Variants in LYPD6 observed in about 807,000 individuals in gnomAD.
The protein encoded by LYPD6 is ly6/PLAUR domain-containing protein 6.
In LYPD6, 15 loss-of-function variants were observed where a neutral mutation model predicts 22.7. That is an observed-to-expected ratio of 0.66 (90% CI 0.44 to 1.02). The LOEUF (loss-of-function observed/expected upper bound fraction) is 1.02. Ranked by LOEUF, LYPD6 falls within the 50% of genes least tolerant of loss-of-function variation. The probability of loss-of-function intolerance (pLI) is 0.00; values close to 1 mark genes in which losing one functional copy is unlikely to be tolerated. For missense variants in LYPD6, 189 were observed against 208.4 expected (o/e 0.91, Z 0.57); for synonymous variants, 72 against 77.5 (o/e 0.93, Z 0.37).
chr2:149,469,866 T>G (rs1681290995), intron 4 of LYPD6, among the ~76,000 whole-genome samples: 1 of 152,178 alleles, frequency 6.6e-6, no homozygotes, highest in Non-Finnish European at 1.5e-5. Context: ...ACTGACTTCC[T>G]GGCACGTGTC....
At chr2:149,331,751 C>A (rs777621403) in intron 1 of LYPD6, among the ~76,000 whole-genome samples, 10 of 152,154 alleles carry the variant, frequency 6.6e-5, no homozygotes, top group Non-Finnish European at 1.3e-4. Flanking sequence ...CTATGGTAAC[C>A]TACCCAAGGT....
At chr2:149,369,469 C>A (rs1235709182) in intron 1 of LYPD6, among the ~76,000 whole-genome samples, 1 of 152,168 alleles carries the variant, frequency 6.6e-6, no homozygotes, top group Non-Finnish European at 1.5e-5. Context: ...AATTGACTGC[C>A]TTTCGACCTC....
chr2:149,470,539 C>T (rs568256019), intron 4 of LYPD6, 144 bp from the exon 5 acceptor site: 1 of 657,922 alleles, frequency 1.5e-6, no homozygotes, highest in African/African-American at 1.8e-5. Context: ...CCCCAGCCTT[C>T]CTGAACGTAG....
At chr2:149,359,125 T>C (rs1266305228) in intron 1 of LYPD6, among the ~76,000 whole-genome samples, 1 of 152,238 alleles carries the variant, frequency 6.6e-6, no homozygotes. Context: ...AAAGGAGTGT[T>C]TGGGAATGGA....
intron 2 of LYPD6, among the ~76,000 whole-genome samples, chr2:149,448,438 T>C (rs921554616): frequency 6.6e-6 from 1 of 152,220 alleles, no homozygotes. Flanking sequence ...AATTTTATCA[T>C]GTGTAGGTTT....
chr2:149,430,710 T>C (rs972195459), intron 1 of LYPD6, among the ~76,000 whole-genome samples: 1 of 152,240 alleles, frequency 6.6e-6, no homozygotes, highest in Non-Finnish European at 1.5e-5. Context: ...TATAATTGCG[T>C]ATATACTGAC....
At chr2:149,389,865 G>T (rs1385818355) in intron 1 of LYPD6, among the ~76,000 whole-genome samples, 2 of 152,102 alleles carry the variant, frequency 1.3e-5, no homozygotes, top group East Asian at 3.9e-4. Context: ...TGCAGTGCAG[G>T]GATCCACTTT....
At chr2:149,377,387 T>G (rs1681947080) in intron 1 of LYPD6, among the ~76,000 whole-genome samples, 1 of 151,764 alleles carries the variant, frequency 6.6e-6, no homozygotes, top group Non-Finnish European at 1.5e-5. Context: ...TTTATCAGAC[T>G]TAAAGGGATG....
intron 1 of LYPD6, among the ~76,000 whole-genome samples, chr2:149,400,798 C>T (rs1383092565): frequency 6.6e-6 from 1 of 152,166 alleles, no homozygotes; most frequent in Non-Finnish European, 1.5e-5. Flanking sequence ...TGCTTAAATG[C>T]ACTGTGTGTA....
chr2:149,448,534 C>T (rs555919875), intron 2 of LYPD6, among the ~76,000 whole-genome samples: 116 of 152,196 alleles, frequency 7.6e-4, no homozygotes, highest in African/African-American at 2.7e-3. Flanking sequence ...CCTCTCTCCC[C>T]ACCTCTCCAC....
intron 1 of LYPD6, among the ~76,000 whole-genome samples, chr2:149,383,883 A>G (rs1682123587): frequency 6.6e-6 from 1 of 152,160 alleles, no homozygotes; most frequent in African/African-American, 2.4e-5. Flanking sequence ...GCCCCTAAGG[A>G]TCTAAATTAA....
In LYPD6 at chr2:149,367,208, G is replaced by A. The variant is rs769854888; in HGVS notation, c.-72+36486G>A. Reference sequence around the variant, plus strand: ...CAGGGTCTATTACAAGGCTGCAATCGGTTGTTAGCCAGGACAGGGATCTCA... The same window carrying A: ...CAGGGTCTATTACAAGGCTGCAATCAGTTGTTAGCCAGGACAGGGATCTCA... On this transcript the variant is annotated intron_variant, in intron 1 of 4. Transcript: ENST00000334166. Among the ~76,000 whole-genome samples the A allele has an allele frequency of 5.9e-4, 90 of 152,228 alleles. 2 individuals are homozygous for A. The highest frequency in any genetic ancestry group is 1.6e-4 in the Non-Finnish European group (11 of 68,006).
chr2:149,365,967 C>A (rs571990661), intron 1 of LYPD6, among the ~76,000 whole-genome samples: 70 of 152,266 alleles, frequency 4.6e-4, no homozygotes, highest in African/African-American at 1.6e-3. Context: ...ATCTTATAAC[C>A]GTATGTGTGC....
At chr2:149,398,184 T>C (rs1289340862) in intron 1 of LYPD6, among the ~76,000 whole-genome samples, 1 of 152,228 alleles carries the variant, frequency 6.6e-6, no homozygotes, top group Admixed American at 6.5e-5. Flanking sequence ...TTCAGTTGGA[T>C]GAGACTTCTT....
chr2:149,385,709 A>G (rs1031054798), intron 1 of LYPD6, among the ~76,000 whole-genome samples: 3 of 152,194 alleles, frequency 2.0e-5, no homozygotes, highest in South Asian at 2.1e-4. Context: ...CAGAACAGCT[A>G]TGGCAAAGGG....
chr2:149,434,907 T>C (rs921421628), intron 1 of LYPD6, among the ~76,000 whole-genome samples: 2 of 152,084 alleles, frequency 1.3e-5, no homozygotes, highest in Non-Finnish European at 2.9e-5. Context: ...GGAGGAAATG[T>C]TACCTAAAAA....
At chr2:149,390,652 T>C (rs945274615) in intron 1 of LYPD6, among the ~76,000 whole-genome samples, 5 of 152,184 alleles carry the variant, frequency 3.3e-5, no homozygotes, top group African/African-American at 4.8e-5. Context: ...ACATTTTAAA[T>C]CTCAGTACCT....
chr2:149,354,109 T>C (rs1055207533), intron 1 of LYPD6, among the ~76,000 whole-genome samples: 1 of 152,172 alleles, frequency 6.6e-6, no homozygotes, highest in Admixed American at 6.5e-5. Flanking sequence ...CGCATTGGGT[T>C]GTACTGGTGG....
chr2:149,434,690 C>T (rs1431711711), intron 1 of LYPD6, among the ~76,000 whole-genome samples: 1 of 151,974 alleles, frequency 6.6e-6, no homozygotes, highest in Non-Finnish European at 1.5e-5. Context: ...CATAAATGTT[C>T]CCATCCACTC....
Sources: gnomAD v4.1 joint callset for allele counts (sites outside exome capture counted in the v4.1 genomes callset) on GRCh38, gnomAD v4.1.1 for gene constraint, MANE v1.5 for transcripts, NCBI Gene and HGNC (gene_info 2026-07-23, HGNC 2026-07-21) for gene names.